The following PRG4 variants were observed in gnomAD, a reference collection of about 807,000 sequenced individuals.
The protein encoded by PRG4 is proteoglycan 4, also known as articular superficial zone protein.
In PRG4, 61 loss-of-function variants were observed where a neutral mutation model predicts 91.2. That is an observed-to-expected ratio of 0.67 (90% confidence interval 0.54 to 0.83). The LOEUF (loss-of-function observed/expected upper bound fraction) is 0.83, where lower values mean the gene tolerates loss of function less well. PRG4 is among the 40% of genes least tolerant of loss of function. The probability of loss-of-function intolerance (pLI) is 0.00; values close to 1 mark genes in which losing one functional copy is unlikely to be tolerated. For synonymous variants in PRG4, 576 were observed against 614.2 expected, an observed-to-expected ratio of 0.94 and a Z score of 0.92; for missense variants, 1,564 against 1,714.2, an observed-to-expected ratio of 0.91 and a Z score of 1.55.
In PRG4 at chr1:186,306,203, G is replaced by C. The variant is rs921485798; in HGVS notation, c.599-115G>C. 3.6e-6 allele frequency: 3 copies of C among 824,974 alleles called. No homozygotes were observed. In the African/African-American group the frequency reaches 5.2e-5, roughly 14 times the overall value. The allele number at this position is 824,974 out of a possible 1,614,324, so 51.1% of individuals were successfully genotyped here. ...ACAACAAATTAAAGGACATAGTAGA[G>C]ATTAGCAATTTGCTTAGAAACACAC... On this transcript the variant is annotated intron_variant, in intron 6 of 12. Coordinates refer to ENST00000445192, the MANE Select transcript of PRG4 (RefSeq NM_005807.6).
chr1:186,303,888 G>C (rs1221197045), intron 4 of PRG4, among the ~76,000 whole-genome samples: 3 of 152,150 alleles, frequency 2.0e-5, no homozygotes. Flanking sequence ...TGATTCCTGA[G>C]ACTTTGCTCC....
At chr1:186,306,105 T>C (rs572947984) in intron 6 of PRG4, among the ~76,000 whole-genome samples, 1 of 152,344 alleles carries the variant, frequency 6.6e-6, no homozygotes, top group East Asian at 1.9e-4. Flanking sequence ...GAGTTTTATT[T>C]GTGCTTTTTC....
rs762279977 is a variant in PRG4, at chr1:186,307,977, C to T, written c.2258C>T (p.Thr753Ile). 3 of 1,609,958 alleles carry T rather than the reference C, an allele frequency of 1.9e-6. No homozygotes were observed. In the Admixed American group the frequency reaches 5.1e-5, roughly 27 times the overall value. ...STTSDKPAPTTPKGTAPTTPK... is the reference protein window; with the variant it reads ...STTSDKPAPTIPKGTAPTTPK... The stretch of plus-strand genomic sequence containing the variant: ...ACCTCTGACAAGCCCGCTCCAACTA[C>T]CCCTAAGGGGACTGCTCCAACTACC... The change falls in exon 7 of 13, where the codon ACC becomes ATC. Residue 753 changes from threonine (T) to isoleucine (I), a missense_variant. Around this residue, in one of 3 missense-constraint regions of PRG4, gnomAD observed 1,079 missense variants for 1,162.2 expected, o/e 0.93. Coordinates refer to ENST00000445192, the MANE Select transcript of PRG4 (RefSeq NM_005807.6).
chr1:186,312,057 A>G, intron 10 of PRG4, 118 bp from the exon 11 acceptor site: 1 of 781,344 alleles, frequency 1.3e-6, no homozygotes, highest in South Asian at 1.6e-5. Flanking sequence ...ATATCAATAT[A>G]TTATATGAAA....
intron 4 of PRG4, among the ~76,000 whole-genome samples, 171 bp from the exon 5 acceptor site, chr1:186,303,937 T>A (rs1255846497): frequency 6.6e-6 from 1 of 152,200 alleles, no homozygotes; most frequent in Non-Finnish European, 1.5e-5. Context: ...CAGTATTTTA[T>A]AGCAATGCAT....
At chr1:186,302,808 G>A (rs1477864608) in intron 4 of PRG4, among the ~76,000 whole-genome samples, 2 of 152,076 alleles carry the variant, frequency 1.3e-5, no homozygotes, top group Non-Finnish European at 2.9e-5. Flanking sequence ...ATTTGTTTTG[G>A]GCAGAGGATG....
In PRG4 at chr1:186,308,399, A is replaced by G. The variant is rs552631244; in HGVS notation, c.2680A>G (p.Lys894Glu). The G allele has an allele frequency of 6.2e-7, 1 of 1,613,960 alleles. No homozygotes were observed. The highest frequency in any genetic ancestry group is 1.7e-5 in the Admixed American group (1 of 60,032). Residue 894 changes from lysine to glutamate, a missense_variant, in exon 7 of 13, where the codon AAG (lysine) becomes GAG (glutamate). This residue lies in a region of PRG4 where 1,079 missense variants were observed against 1,162.2 expected (regional missense o/e 0.93). Coordinates refer to ENST00000445192, the MANE Select transcript of PRG4 (RefSeq NM_005807.6). ...ACCAAAAGCTCTTGAAAACAGTCCC[A>G]AGGAACCTGGTGTACCTACAACTAA... ...PTPKALENSP[K>E]EPGVPTTKTP...
Position 186,311,443 on chromosome 1 carries a change from T to C in PRG4, c.3640T>C (p.Ser1214Pro), listed in dbSNP as rs780050864. Residue 1214 changes from serine (S) to proline (P), a missense_variant, in exon 10 of 13, where the codon TCT becomes CCT. Physicochemically the swap from Ser to Pro is moderately conservative, Grantham distance 74. Transcript: ENST00000445192. ...ATTTTCTCTTTTAAATTATCAGGAT[T>C]CTCAGTACTGGCGTTTTACCAATGA... ...CEGKTFFFKD[S>P]QYWRFTNDIK... 1 of 1,613,078 alleles carries C rather than the reference T, an allele frequency of 6.2e-7. No homozygotes were observed. Among genetic ancestry groups the C allele is most frequent in the African/African-American group, 1.3e-5 (1 of 75,032 alleles).
intron 4 of PRG4, among the ~76,000 whole-genome samples, chr1:186,303,660 A>G (rs1269294271): frequency 6.6e-6 from 1 of 152,214 alleles, no homozygotes; most frequent in African/African-American, 2.4e-5. Context: ...AATTAAAAAA[A>G]GAACAAAAGG....
chr1:186,305,839 G>T (rs1163702015), intron 6 of PRG4, among the ~76,000 whole-genome samples: 3 of 152,126 alleles, frequency 2.0e-5, no homozygotes, highest in African/African-American at 7.2e-5. Flanking sequence ...CCCTATGTAT[G>T]GGAACAAGGC....
rs1656893348 is a variant in PRG4 at position 186,308,274 on chromosome 1, C to T, written c.2555C>T (p.Pro852Leu). The T allele has an allele frequency of 3.1e-6, 5 of 1,613,940 alleles. No individual in the cohort carries two copies. In the Admixed American group the frequency reaches 5.0e-5, roughly 16 times the overall value. ...PAPTTPETPP[P>L]TTSEVSTPTT... ...CCAACTACTCCTGAGACACCTCCTC[C>T]AACCACTTCAGAGGTCTCTACTCCA... is the stretch of plus-strand genomic sequence containing the variant. Residue 852 changes from proline to leucine, a missense_variant, in exon 7 of 13, where the codon CCA becomes CTA. Physicochemically the swap from Pro to Leu is moderately conservative, Grantham distance 98. Transcript: ENST00000445192.
rs1380872442 is a variant in PRG4, at chr1:186,308,594, CAAGT to C, written c.2878_2881del (p.Val960HisfsTer25). ...ATCCAAAATAACAGCTACAACCACA[CAAGT>C]AACATCTACCACAACTCAAGATACC... On this transcript the variant is annotated frameshift_variant, in exon 7 of 13. Coordinates refer to ENST00000445192, the MANE Select transcript of PRG4 (RefSeq NM_005807.6). LOFTEE classifies it high-confidence loss of function. 1 of 1,613,526 alleles carries C rather than the reference CAAGT, an allele frequency of 6.2e-7. No homozygotes were observed. Among genetic ancestry groups the C allele is most frequent in the Non-Finnish European group, 8.5e-7 (1 of 1,179,970 alleles).
At chr1:186,297,103 T>C in intron 2 of PRG4, 152 bp downstream of exon 2, 2 of 677,832 alleles carry the variant, frequency 3.0e-6, no homozygotes, top group Middle Eastern at 7.5e-4. Context: ...ACATGTAGCC[T>C]GTTTGTAAGT....
rs562730445 is a variant in PRG4, at chr1:186,313,690, A to G, written c.4127A>G (p.Tyr1376Cys). 21 of 1,596,012 alleles carry G rather than the reference A, an allele frequency of 1.3e-5. No individual in the cohort carries two copies. The South Asian group carries it at 1.3e-4, about 10-fold the overall frequency. ...DYYAFSKDQY[Y>C]NIDVPSRTAR... The stretch of plus-strand genomic sequence containing the variant: ...TTTCTCTTCCATTTAGATCAATACT[A>G]TAACATTGATGTGCCTAGTAGAACA... Residue 1376 changes from tyrosine (Y) to cysteine (C), a missense_variant, in exon 13 of 13, where the codon TAT becomes TGT. Tyr to Cys is a radical substitution (Grantham distance 194). Coordinates refer to ENST00000445192, the MANE Select transcript of PRG4 (RefSeq NM_005807.6).
chr1:186,296,977 T>C (rs766937611), intron 2 of PRG4, 26 bp downstream of exon 2: 7 of 1,574,054 alleles, frequency 4.4e-6, no homozygotes, highest in Non-Finnish European at 6.1e-6. Flanking sequence ...AACATACTTT[T>C]ATTTAACAAC....
intron 5 of PRG4, 102 bp from the exon 6 acceptor site, chr1:186,304,692 C>T: frequency 7.0e-7 from 1 of 1,432,078 alleles, no homozygotes; most frequent in East Asian, 2.3e-5. Context: ...AATCCAGATA[C>T]TTGTAGACTA....
chr1:186,301,270 G>A (rs1656197952), intron 3 of PRG4, among the ~76,000 whole-genome samples: 1 of 152,168 alleles, frequency 6.6e-6, no homozygotes. Context: ...GATTTCATAT[G>A]AAGGCTATCT....
Position 186,306,864 on chromosome 1 carries a change from C to T in PRG4, c.1145C>T (p.Ala382Val). ...KSAPTTPKEP[A>V]PTTTKSAPTT... Reference sequence around the variant, plus strand: ...GCACCCACCACCCCCAAGGAGCCTGCACCCACCACCACCAAGTCTGCACCC... The same window carrying T: ...GCACCCACCACCCCCAAGGAGCCTGTACCCACCACCACCAAGTCTGCACCC... Residue 382 changes from alanine to valine, a missense_variant, in exon 7 of 13, where the codon GCA becomes GTA. Transcript: ENST00000445192. 6.2e-7 allele frequency: 1 copy of T among 1,610,760 alleles called. No individual in the cohort carries two copies. The highest frequency in any genetic ancestry group is 8.5e-7 in the Non-Finnish European group (1 of 1,178,924).
In PRG4 at chr1:186,309,067, T is replaced by C; in HGVS notation, c.3348T>C (p.Pro1116=). Reference sequence around the variant, plus strand: ...TTCTCAGGCCCCATGTGTTCATGCCTGAAGTTACTCCCGACATGGATTACT... The same window carrying C: ...TTCTCAGGCCCCATGTGTTCATGCCCGAAGTTACTCCCGACATGGATTACT... ...HMLLRPHVFM[P]EVTPDMDYLP... The change falls in exon 7 of 13, where the codon CCT becomes CCC. Residue 1116 remains proline, a synonymous_variant. Transcript: ENST00000445192. 1 of 1,614,056 alleles carries C rather than the reference T, an allele frequency of 6.2e-7. No homozygotes were observed. The highest frequency in any genetic ancestry group is 8.5e-7 in the Non-Finnish European group (1 of 1,179,976).
Sources: allele counts gnomAD v4.1 joint callset (sites outside exome capture counted in the v4.1 genomes callset), GRCh38; gene constraint gnomAD v4.1.1; regional missense constraint gnomAD v4.1.1; transcripts MANE v1.5; gene names NCBI Gene and HGNC (gene_info 2026-07-23, HGNC 2026-07-21).